The following CCDC38 variants were observed in gnomAD, a reference collection of about 807,000 sequenced individuals.
The protein encoded by CCDC38 is coiled-coil domain-containing protein 38.
A neutral mutation model predicts 72.8 loss-of-function variants in CCDC38; 69 were observed. The observed-to-expected ratio is 0.95, with a 90% CI of 0.78 to 1.16. The LOEUF is 1.16. Among genes scored for constraint, CCDC38 ranks in the 50% most tolerant of loss-of-function variants. The pLI, the probability that CCDC38 is intolerant of heterozygous loss-of-function variation, is 0.00. For missense variants in CCDC38, 626 were observed against 638.9 expected (o/e 0.98, Z 0.22); for synonymous variants, 201 against 213.2 (o/e 0.94, Z 0.50).
intron 5 of CCDC38, among the ~76,000 whole-genome samples, chr12:95,901,572 C>T (rs2079950715): frequency 6.6e-6 from 1 of 152,058 alleles, no homozygotes; most frequent in Admixed American, 6.6e-5. Flanking sequence ...ACTTGAAGAT[C>T]AGGGAGAAGA....
At chr12:95,908,280 C>T (rs1284573595) in intron 4 of CCDC38, among the ~76,000 whole-genome samples, 7 of 151,146 alleles carry the variant, frequency 4.6e-5, no homozygotes, top group Non-Finnish European at 7.4e-5. Flanking sequence ...GCCAACACAG[C>T]GAAACCCCGT....
At position 95,879,931 on chromosome 12, in the gene CCDC38, G is replaced by T; in HGVS notation, c.991-136C>A. 1.8e-6 allele frequency: 1 copy of T among 568,066 alleles called. No individual in the cohort carries two copies. Among genetic ancestry groups the T allele is most frequent in the Non-Finnish European group, 3.0e-6 (1 of 337,324 alleles). 35.2% of individuals were successfully genotyped at this position (568,066 alleles called of 1,614,324 possible). The stretch of plus-strand genomic sequence containing the variant: ...GGAGACACAGGTAGGAACTTGTATG[G>T]GAAACTCGCCTATTTCCAAGTGAGA... On this transcript the variant is annotated intron_variant, in intron 11 of 15. Transcript: ENST00000344280. This position sits in a 1 kb window ranked among gnomAD's most constrained non-coding sequence, Gnocchi z 5.5.
intron 8 of CCDC38, among the ~76,000 whole-genome samples, chr12:95,894,717 T>G (rs1053148462): frequency 2.6e-5 from 4 of 152,240 alleles, no homozygotes; most frequent in Non-Finnish European, 5.9e-5. Context: ...ACACTTCTTG[T>G]GCAGCCAGCA....
At chr12:95,897,533 C>T (rs2079902761) in intron 7 of CCDC38, among the ~76,000 whole-genome samples, 1 of 148,400 alleles carries the variant, frequency 6.7e-6, no homozygotes, top group African/African-American at 2.5e-5. Flanking sequence ...TCGCTTGAAC[C>T]TAGGAGGTGG....
intron 7 of CCDC38, 67 bp downstream of exon 7, chr12:95,898,318 A>G: frequency 1.4e-6 from 2 of 1,432,398 alleles, no homozygotes; most frequent in Non-Finnish European, 2.0e-6. Context: ...ATTAGGTCTT[A>G]CCTGGCATGA....
chr12:95,901,357 A>G (rs1246463699), intron 5 of CCDC38, among the ~76,000 whole-genome samples: 1 of 152,194 alleles, frequency 6.6e-6, no homozygotes, highest in African/African-American at 2.4e-5. Context: ...AGTTTAGGAA[A>G]CATGAAGTCT....
At chr12:95,885,653 G>A (rs571721019) in intron 10 of CCDC38, 1 of 154,478 alleles carries the variant, frequency 6.5e-6, no homozygotes, top group African/African-American at 2.4e-5. Context: ...TTTGGAATGA[G>A]TGGATTTGAT....
chr12:95,915,186 G>T (rs2080132136), intron 4 of CCDC38, among the ~76,000 whole-genome samples: 1 of 152,154 alleles, frequency 6.6e-6, no homozygotes, highest in African/African-American at 2.4e-5. Flanking sequence ...TCGTTATAGT[G>T]AGTTTCCCAT....
At chr12:95,909,000 G>C (rs531010125) in intron 4 of CCDC38, among the ~76,000 whole-genome samples, 1 of 152,006 alleles carries the variant, frequency 6.6e-6, no homozygotes, top group Non-Finnish European at 1.5e-5. Context: ...AAAATCTCTT[G>C]ATAAGAATGT....
At chr12:95,888,555 A>C (rs2079786232) in intron 9 of CCDC38, 49 bp from the exon 10 acceptor site, 2 of 1,567,858 alleles carry the variant, frequency 1.3e-6, no homozygotes, top group South Asian at 2.2e-5. Flanking sequence ...TGGTGGAGTG[A>C]AAAGAAATAA....
At chr12:95,913,136 G>A (rs2080112133) in intron 4 of CCDC38, among the ~76,000 whole-genome samples, 1 of 152,130 alleles carries the variant, frequency 6.6e-6, no homozygotes, top group Non-Finnish European at 1.5e-5. Flanking sequence ...AGTAACCTGT[G>A]AGCCTGTGCT....
chr12:95,893,003 C>T (rs2079845672), intron 8 of CCDC38, among the ~76,000 whole-genome samples: 1 of 152,134 alleles, frequency 6.6e-6, no homozygotes. Context: ...AATCCTCCTC[C>T]CATTACCTTC....
At position 95,936,502 on chromosome 12, in the gene CCDC38, G is replaced by A; in HGVS notation, c.8C>T (p.Ser3Leu). 1.2e-6 allele frequency: 2 copies of A among 1,611,560 alleles called. No homozygotes were observed. Among genetic ancestry groups the A allele is most frequent in the Non-Finnish European group, 1.7e-6 (2 of 1,179,482 alleles). ...AGAATTCAGTGTTGGCAATAAATTT[G>A]AGGACATTTTCTTGCCTGGCCCTGT... The part of the protein sequence containing the change: MS[S>L]NLLPTLNSGG... The change falls in exon 2 of 16, where the codon TCA becomes TTA. Residue 3 changes from serine to leucine, a missense_variant. Ser to Leu is a moderately radical substitution (Grantham distance 145). Coordinates refer to ENST00000344280, the MANE Select transcript of CCDC38 (RefSeq NM_182496.3).
intron 4 of CCDC38, among the ~76,000 whole-genome samples, chr12:95,908,243 C>T (rs2080035176): frequency 6.6e-6 from 1 of 151,444 alleles, no homozygotes. Context: ...GCGGATCACT[C>T]GCGGTTAGGA....
At chr12:95,876,677 T>C (rs55793243) in intron 13 of CCDC38, among the ~76,000 whole-genome samples, 7,926 of 152,208 alleles carry the variant, frequency 0.052, 412 homozygotes, top group African/African-American at 0.13. Context: ...CTCAGGGCAC[T>C]ATAACTCCCT....
intron 2 of CCDC38, among the ~76,000 whole-genome samples, chr12:95,927,676 T>C (rs990736306): frequency 2.0e-5 from 3 of 152,204 alleles, no homozygotes; most frequent in Admixed American, 6.5e-5. Context: ...GCGGCTGGTA[T>C]TGGTTGTTCC....
At chr12:95,880,482 C>T (rs1248273197) in intron 11 of CCDC38, among the ~76,000 whole-genome samples, 3 of 151,900 alleles carry the variant, frequency 2.0e-5, no homozygotes, top group Non-Finnish European at 2.9e-5. Flanking sequence ...GGTGAAACCC[C>T]GACTCTACTA....
rs115372649 is a variant in CCDC38, at chr12:95,873,735, A to G, written c.1279-1275T>C. Among the ~76,000 whole-genome samples, 953 of 152,314 alleles carry G rather than the reference A, an allele frequency of 6.3e-3. 14 individuals carry two copies. Among genetic ancestry groups the G allele is most frequent in the African/African-American group, 0.022 (905 of 41,556 alleles). On this transcript the variant is annotated intron_variant, in intron 13 of 15. Coordinates refer to ENST00000344280, the MANE Select transcript of CCDC38 (RefSeq NM_182496.3). ...AAGCCAGCGACAAATAACACTCAAG[A>G]GAGAGGTGGCTCCTGGAGCCATGGG...
chr12:95,907,404 G>A (rs1202097890), intron 4 of CCDC38, among the ~76,000 whole-genome samples: 1 of 138,454 alleles, frequency 7.2e-6, no homozygotes, highest in Non-Finnish European at 1.6e-5. Flanking sequence ...GGGCGGCCGG[G>A]CAGAGGCGCC....
Sources: gnomAD v4.1 joint callset for allele counts (sites outside exome capture counted in the v4.1 genomes callset) on GRCh38, gnomAD v4.1.1 for gene constraint, Gnocchi (gnomAD v3.1) non-coding constraint, MANE v1.5 for transcripts, NCBI Gene and HGNC (gene_info 2026-07-23, HGNC 2026-07-21) for gene names.